Variants in LGR5 observed in about 807,000 individuals in gnomAD.
LGR5 encodes leucine rich repeat containing G protein-coupled receptor 5, also known as leucine-rich repeat-containing G protein-coupled receptor 5.
LGR5 carries 54 observed loss-of-function variants against 76.7 expected under a neutral mutation model. The observed-to-expected ratio is 0.70, with a 90% CI of 0.57 to 0.88. The LOEUF is 0.88. Ranked by LOEUF, LGR5 falls within the 40% of genes least tolerant of loss-of-function variation. LGR5 has a pLI of 0.00. For synonymous variants in LGR5, 406 were observed against 421.9 expected (o/e 0.96, Z 0.46); for missense variants, 1,078 against 1,073.3 (o/e 1.00, Z -0.06).
intron 16 of LGR5, among the ~76,000 whole-genome samples, chr12:71,580,858 CT>C (rs1349047572): frequency 1.3e-5 from 2 of 152,074 alleles, no homozygotes; most frequent in African/African-American, 4.8e-5. Context: ...CAGACAAGTC[CT>C]TGTACCTCAG....
chr12:71,573,008 T>A, intron 13 of LGR5, 87 bp downstream of exon 13: 1 of 979,940 alleles, frequency 1.0e-6, no homozygotes, highest in Non-Finnish European at 1.6e-6. Context: ...TTTCATTGTG[T>A]ACTATTGTGG....
intron 13 of LGR5, among the ~76,000 whole-genome samples, 188 bp from the exon 14 acceptor site, chr12:71,577,737 G>C (rs1670039569): frequency 6.6e-6 from 1 of 152,124 alleles, no homozygotes; most frequent in African/African-American, 2.4e-5. Flanking sequence ...TAACAAGCTT[G>C]ATTTAAAGTT....
chr12:71,444,673 T>C (rs1871907248), intron 1 of LGR5, among the ~76,000 whole-genome samples: 1 of 152,144 alleles, frequency 6.6e-6, no homozygotes, highest in Admixed American at 6.5e-5. Context: ...ATAGCCTGTG[T>C]AGTTAAACAA....
chr12:71,579,811 A>G (rs1879014778), intron 15 of LGR5, among the ~76,000 whole-genome samples: 1 of 152,170 alleles, frequency 6.6e-6, no homozygotes, highest in East Asian at 1.9e-4. Flanking sequence ...TCTATTAAGC[A>G]TCCAGGAACA....
chr12:71,514,804 G>T (rs1428099398), intron 2 of LGR5, among the ~76,000 whole-genome samples: 2 of 152,134 alleles, frequency 1.3e-5, no homozygotes, highest in African/African-American at 4.8e-5. Flanking sequence ...TTGACAAATT[G>T]GATATGCTTA....
At chr12:71,527,367 G>A (rs1483818393) in intron 3 of LGR5, among the ~76,000 whole-genome samples, 1 of 152,158 alleles carries the variant, frequency 6.6e-6, no homozygotes, top group Non-Finnish European at 1.5e-5. Flanking sequence ...AGTTCTGGAG[G>A]CTGGGAAGTC....
At chr12:71,485,301 A>G (rs1382014895) in intron 1 of LGR5, among the ~76,000 whole-genome samples, 1 of 152,244 alleles carries the variant, frequency 6.6e-6, no homozygotes, top group Non-Finnish European at 1.5e-5. Flanking sequence ...AAAATTTTAA[A>G]GAGTTCATTT....
chr12:71,521,912 C>T (rs566994121), intron 2 of LGR5, among the ~76,000 whole-genome samples: 5 of 152,170 alleles, frequency 3.3e-5, no homozygotes, highest in Non-Finnish European at 7.4e-5. Flanking sequence ...CAAAGTGCTA[C>T]CAAAGGAGTT....
chr12:71,520,357 T>C (rs963369763), intron 2 of LGR5, among the ~76,000 whole-genome samples: 4 of 152,172 alleles, frequency 2.6e-5, no homozygotes, highest in Admixed American at 6.5e-5. Context: ...AGCAAGTTCA[T>C]AGACAGAGGA....
chr12:71,570,648 G>T (rs1312664035), intron 11 of LGR5, among the ~76,000 whole-genome samples: 3 of 152,128 alleles, frequency 2.0e-5, no homozygotes, highest in Non-Finnish European at 4.4e-5. Flanking sequence ...GGATTTACAA[G>T]CAGCTTCATT....
At chr12:71,547,720 C>T (rs539926248) in intron 4 of LGR5, among the ~76,000 whole-genome samples, 2 of 152,278 alleles carry the variant, frequency 1.3e-5, no homozygotes, top group South Asian at 2.1e-4. Flanking sequence ...TGATTCAGTG[C>T]ACTTTCCAGT....
intron 1 of LGR5, among the ~76,000 whole-genome samples, chr12:71,451,654 C>A (rs1303778740): frequency 6.6e-6 from 1 of 152,170 alleles, no homozygotes; most frequent in Non-Finnish European, 1.5e-5. Flanking sequence ...CACACTTGAT[C>A]ACCATATTTC....
intron 1 of LGR5, among the ~76,000 whole-genome samples, chr12:71,495,030 G>C (rs542931389): frequency 1.3e-5 from 2 of 151,044 alleles, no homozygotes; most frequent in East Asian, 3.9e-4. Context: ...CCTTTTGCCT[G>C]GTTCCTTGAT....
At chr12:71,471,450 A>C (rs760048510) in intron 1 of LGR5, among the ~76,000 whole-genome samples, 4 of 152,206 alleles carry the variant, frequency 2.6e-5, no homozygotes, top group Non-Finnish European at 5.9e-5. Flanking sequence ...TGTTGCTTAC[A>C]GCTGAGGAGT....
chr12:71,510,748 A>T (rs1875112906), intron 2 of LGR5, among the ~76,000 whole-genome samples: 1 of 152,134 alleles, frequency 6.6e-6, no homozygotes, highest in Admixed American at 6.6e-5. Context: ...ACAAATAACA[A>T]GGAGTGAGAA....
chr12:71,564,824 A>G (rs1878255195), intron 8 of LGR5, among the ~76,000 whole-genome samples: 1 of 148,994 alleles, frequency 6.7e-6, no homozygotes, highest in Admixed American at 6.7e-5. Flanking sequence ...ATATAGATAC[A>G]CATATATGTA....
chr12:71,506,494 C>A (rs1291913641), intron 2 of LGR5, among the ~76,000 whole-genome samples: 1 of 151,908 alleles, frequency 6.6e-6, no homozygotes, highest in Non-Finnish European at 1.5e-5. Context: ...AAAAAAATCA[C>A]AAAAAAAGCA....
chr12:71,508,367 C>G (rs1300944301), intron 2 of LGR5, among the ~76,000 whole-genome samples: 6 of 152,196 alleles, frequency 3.9e-5, no homozygotes, highest in African/African-American at 1.4e-4. Flanking sequence ...GTTCATCTCT[C>G]ATCCATGGCT....
intron 1 of LGR5, among the ~76,000 whole-genome samples, chr12:71,479,496 G>A (rs903588314): frequency 1.8e-4 from 28 of 152,144 alleles, no homozygotes; most frequent in African/African-American, 6.3e-4. Context: ...ATTCAAGAAA[G>A]TAAGTCAGTA....
Sources: allele counts gnomAD v4.1 joint callset (sites outside exome capture counted in the v4.1 genomes callset), GRCh38; gene constraint gnomAD v4.1.1; transcripts MANE v1.5; gene names NCBI Gene and HGNC (gene_info 2026-07-23, HGNC 2026-07-21).